RAB40A: variants seen among roughly 807,000 people sequenced by gnomAD.
RAB40A encodes the protein ras-related protein Rab-40A.
For synonymous variants in RAB40A, 65 were observed against 99.9 expected (o/e 0.65, Z 2.08); for missense variants, 145 against 230.2 (o/e 0.63, Z 2.40).
chrX:103,516,016 C>T (rs760520686), intron 2 of RAB40A, among the ~76,000 whole-genome samples: 5 of 111,847 alleles, frequency 4.5e-5, no homozygotes, highest in Non-Finnish European at 9.4e-5. Context: ...GGGAAGCTCT[C>T]ATATGGAATA....
At chrX:103,512,699 T>C (rs2073296969) in intron 2 of RAB40A, among the ~76,000 whole-genome samples, 1 of 111,910 alleles carries the variant, frequency 8.9e-6, no homozygotes, top group Non-Finnish European at 1.9e-5. Context: ...ACAATATATA[T>C]TTGTCATAAA....
At chrX:103,502,900 GC>G (rs2073236293) in intron 2 of RAB40A, 1 of 763,768 alleles carries the variant, frequency 1.3e-6, no homozygotes, top group Non-Finnish European at 1.6e-6. Flanking sequence ...GACTTCAATG[GC>G]CCTTTAAATG....
Position 103,501,711 on chromosome X carries a change from A to G in RAB40A, c.-70-885T>C, listed in dbSNP as rs983435362. The G allele has an allele frequency of 7.3e-5, 9 of 123,938 alleles. No individual in the cohort carries two copies. The Admixed American group carries it at 8.4e-4, about 12-fold the overall frequency. The allele number at this position is 123,938 out of a possible 1,213,427, so 10.2% of individuals were successfully genotyped here. A position where few individuals can be genotyped will look rare whatever the true frequency, so the allele number is the denominator to read the frequency against. On this transcript the variant is annotated intron_variant, in intron 2 of 2. Transcript: ENST00000304236. ...ATGGCCAGTAATCACAAGAAAATGC[A>G]TTCTAGCTCACTAATACATTAAAGA...
At position 103,499,696 on chromosome X, in the gene RAB40A, AAC is replaced by A; in HGVS notation, c.*225_*226del. 1 of 462,766 alleles carries A rather than the reference AAC, an allele frequency of 2.2e-6. No homozygotes were observed. The highest frequency in any genetic ancestry group is 3.8e-6 in the Non-Finnish European group (1 of 263,237). 38.1% of individuals were successfully genotyped at this position (462,766 alleles called of 1,213,427 possible). A position where few individuals can be genotyped will look rare whatever the true frequency, so the allele number is the denominator to read the frequency against. On this transcript the variant is annotated 3_prime_UTR_variant, in exon 3 of 3. Transcript: ENST00000304236. Reference sequence around the variant, plus strand: ...GCAAAGTACTAATTTCCCCTTTATAAACACACGTTTAAAACAAGAGCTTCATG... The same window carrying A: ...GCAAAGTACTAATTTCCCCTTTATAAACACGTTTAAAACAAGAGCTTCATG...
At chrX:103,514,836 T>C (rs1164419178) in intron 2 of RAB40A, among the ~76,000 whole-genome samples, 1 of 112,000 alleles carries the variant, frequency 8.9e-6, no homozygotes, top group Middle Eastern at 4.2e-3. Context: ...TATAGTTATG[T>C]CCAGAAATAA....
chrX:103,503,301 G>C, intron 2 of RAB40A: 2 of 753,716 alleles, frequency 2.7e-6, no homozygotes, highest in African/African-American at 2.3e-5. Context: ...GGGCAACTGT[G>C]TCCATAGGAT....
chrX:103,513,636 G>C (rs1433382210), intron 2 of RAB40A, among the ~76,000 whole-genome samples: 4 of 110,948 alleles, frequency 3.6e-5, no homozygotes, highest in Non-Finnish European at 7.5e-5. Flanking sequence ...TTTTCACCAA[G>C]ACTGCCCAGA....
At chrX:103,504,883 AAAG>A (rs1351955013) in intron 2 of RAB40A, among the ~76,000 whole-genome samples, 8 of 112,268 alleles carry the variant, frequency 7.1e-5, no homozygotes, top group Non-Finnish European at 9.4e-5. Flanking sequence ...ATTTAATCTT[AAAG>A]AAGGGGAAAT....
chrX:103,507,484 G>GA (rs60649805), intron 2 of RAB40A, among the ~76,000 whole-genome samples: 7,647 of 109,758 alleles, frequency 0.07, 711 homozygotes, highest in African/African-American at 0.24. Flanking sequence ...TATTTAAAAG[G>GA]AAAAAACATT....
rs2073207245 is a variant in RAB40A, at chrX:103,499,276, T to C, written c.*647A>G. On this transcript the variant is annotated 3_prime_UTR_variant, in exon 3 of 3. Transcript: ENST00000304236. ...TTGGTGTTTTCCTCCCTTAGCTTCATATCTTGTAGAACATCTCGTACAAAA... is the reference window on the plus strand; with the variant it reads ...TTGGTGTTTTCCTCCCTTAGCTTCACATCTTGTAGAACATCTCGTACAAAA... The C allele has an allele frequency of 8.2e-6, 1 of 121,971 alleles. No individual in the cohort carries two copies. The highest frequency in any genetic ancestry group is 3.2e-5 in the African/African-American group (1 of 30,878). 10.1% of individuals were successfully genotyped at this position (121,971 alleles called of 1,213,427 possible).
intron 2 of RAB40A, chrX:103,502,727 G>A (rs2073235244): frequency 2.6e-6 from 2 of 763,095 alleles, no homozygotes; most frequent in South Asian, 1.4e-4. Flanking sequence ...GGAGGGTGAG[G>A]GATGAAACCT....
chrX:103,504,871 A>G (rs1016260093), intron 2 of RAB40A, among the ~76,000 whole-genome samples: 28 of 112,426 alleles, frequency 2.5e-4, no homozygotes, highest in Admixed American at 1.1e-3. Context: ...TTAATGTTTT[A>G]TATTTAATCT....
At chrX:103,512,307 C>T (rs1603135352) in intron 2 of RAB40A, among the ~76,000 whole-genome samples, 1 of 106,838 alleles carries the variant, frequency 9.4e-6, no homozygotes, top group African/African-American at 3.6e-5. Flanking sequence ...TTTTGGTTAG[C>T]TGTTTTTTTT....
At position 103,502,877 on chromosome X, in the gene RAB40A, C is replaced by T. The variant is rs1353989582; in HGVS notation, c.-70-2051G>A. On this transcript the variant is annotated intron_variant, in intron 2 of 2. Coordinates refer to ENST00000304236, the MANE Select transcript of RAB40A (RefSeq NM_080879.3). ...AATGAGAAAACCTGTTGAGAGTATA[C>T]GGCATGAAGTGGGACTTCAATGGCC... The T allele has an allele frequency of 5.2e-6, 4 of 762,633 alleles. No individual in the cohort carries two copies. The African/African-American group carries it at 6.9e-5, about 13-fold the overall frequency. The allele number at this position is 762,633 out of a possible 1,213,427, so 62.8% of individuals were successfully genotyped here.
intron 2 of RAB40A, among the ~76,000 whole-genome samples, chrX:103,511,625 C>T (rs894667287): frequency 2.7e-5 from 3 of 110,683 alleles, no homozygotes; most frequent in Non-Finnish European, 5.7e-5. Flanking sequence ...CATGTTCTCA[C>T]TCATAAGTGG....
rs144729795 is a variant in RAB40A, at chrX:103,518,599, A to G, written c.-223+771T>C. On this transcript the variant is annotated intron_variant, in intron 1 of 2. Coordinates refer to ENST00000304236, the MANE Select transcript of RAB40A (RefSeq NM_080879.3). ...GCTCTCGCTGGACAAAGATGAAGCAATTTGAACATTAAATAAAATAATGAC... is the reference window on the plus strand; with the variant it reads ...GCTCTCGCTGGACAAAGATGAAGCAGTTTGAACATTAAATAAAATAATGAC... Among the ~76,000 whole-genome samples the G allele has an allele frequency of 9.2e-4, 103 of 111,840 alleles. 3 individuals carry two copies. The East Asian group carries it at 0.027, about 29-fold the overall frequency.
chrX:103,513,326 T>C (rs2073300715), intron 2 of RAB40A, among the ~76,000 whole-genome samples: 1 of 111,374 alleles, frequency 9.0e-6, no homozygotes, highest in South Asian at 3.8e-4. Context: ...AGGGACTGCA[T>C]GAAACCACTA....
chrX:103,506,907 A>AT (rs1255577106), intron 2 of RAB40A, among the ~76,000 whole-genome samples: 4 of 111,581 alleles, frequency 3.6e-5, no homozygotes, highest in South Asian at 7.4e-4. Flanking sequence ...GGTTTTTGTA[A>AT]TTTTTTTTAA....
In RAB40A at chrX:103,514,800, T is replaced by C. The variant is rs754063361; in HGVS notation, c.-71+2574A>G. Among the ~76,000 whole-genome samples the C allele has an allele frequency of 2.0e-4, 23 of 112,341 alleles. 1 individual carries two copies. The East Asian group carries it at 6.1e-3, about 30-fold the overall frequency. On this transcript the variant is annotated intron_variant, in intron 2 of 2. Transcript: ENST00000304236. ...ACTAGTTCTGATTATAAAAATGATT[T>C]GTATCAATTTAGAAGTTGTGAAAAA...
Sources: gnomAD v4.1 joint callset for allele counts (sites outside exome capture counted in the v4.1 genomes callset) on GRCh38, gnomAD v4.1.1 for gene constraint, MANE v1.5 for transcripts, NCBI Gene and HGNC (gene_info 2026-07-23, HGNC 2026-07-21) for gene names.